FAM221A: variants seen among roughly 807,000 people sequenced by gnomAD.
The protein encoded by FAM221A is protein FAM221A.
In FAM221A, 43 loss-of-function variants were observed where a neutral mutation model predicts 37.6. The observed-to-expected ratio is 1.15, with a 90% CI of 0.90 to 1.48. The LOEUF is 1.48. Among genes scored for constraint, FAM221A ranks in the 40% most tolerant of loss-of-function variants. The probability of loss-of-function intolerance (pLI) is 0.00; values close to 1 mark genes in which losing one functional copy is unlikely to be tolerated. For missense variants in FAM221A, 361 were observed against 361.5 expected, an observed-to-expected ratio of 1.00 and a Z score of 0.01; for synonymous variants, 135 against 132.9, an observed-to-expected ratio of 1.02 and a Z score of -0.11.
rs144679462 is a variant in FAM221A at position 23,689,333 on chromosome 7, C to G, written c.304C>G (p.Gln102Glu). 1,567 of 1,601,916 alleles carry G rather than the reference C, an allele frequency of 9.8e-4. 18 individuals are homozygous for G. The African/African-American group carries it at 0.018, about 18-fold the overall frequency. Reference sequence around the variant, plus strand: ...GCAGTGCCCCATTGATCTGCCCTGCCAAGTGACTGGCTGCCAGTGCAGGGC... The same window carrying G: ...GCAGTGCCCCATTGATCTGCCCTGCGAAGTGACTGGCTGCCAGTGCAGGGC... The part of the protein sequence containing the change: ...PQQCPIDLPC[Q>E]VTGCQCRAYL... The change falls in exon 3 of 7, where the codon CAA becomes GAA. Residue 102 changes from glutamine (Q) to glutamate (E), a missense_variant. Physicochemically the swap from Gln to Glu is conservative, Grantham distance 29. Coordinates refer to ENST00000344962, the MANE Select transcript of FAM221A (RefSeq NM_199136.5).
At chr7:23,681,617 A>G (rs978652487) in intron 1 of FAM221A, among the ~76,000 whole-genome samples, 3 of 152,166 alleles carry the variant, frequency 2.0e-5, no homozygotes, top group Non-Finnish European at 4.4e-5. Flanking sequence ...CACGTTGCCC[A>G]GGCTGGTCTT....
At chr7:23,686,399 G>GACCACAGGCGTCTGCC (rs757675371) in intron 2 of FAM221A, 81 of 311,772 alleles carry the variant, frequency 2.6e-4, no homozygotes, top group Middle Eastern at 2.4e-3. Context: ...AAGTAGCTGG[G>GACCACAGGCGTCTGCC]ACCACAGGCG....
chr7:23,700,850 A>G lies in FAM221A; in HGVS notation c.810A>G (p.Glu270=), dbSNP rs146025349. Reference sequence around the variant, plus strand: ...AAGAGGATGATATGGCTTTCTTTGAAAGACGATACCAGGAAAGGGTAGGTT... The same window carrying G: ...AAGAGGATGATATGGCTTTCTTTGAGAGACGATACCAGGAAAGGGTAGGTT... ...RPEEDDMAFF[E]RRYQERMKME... The change falls in exon 6 of 7, where the codon GAA becomes GAG. Residue 270 remains glutamate (E), a synonymous_variant. Coordinates refer to ENST00000344962, the MANE Select transcript of FAM221A (RefSeq NM_199136.5). The G allele has an allele frequency of 4.2e-4, 669 of 1,609,274 alleles. 2 individuals are homozygous for G. Among genetic ancestry groups the G allele is most frequent in the Non-Finnish European group, 3.4e-4 (402 of 1,178,360 alleles).
Position 23,689,257 on chromosome 7 carries a change from C to T in FAM221A, c.240-12C>T, listed in dbSNP as rs781437996. ...ATTGTGTTTATATTTCTCTCTCTTT[C>T]TCCTTTTTTAGGTATAAACAACATA... On this transcript the variant is annotated splice_polypyrimidine_tract_variant and intron_variant, in intron 2 of 6. Transcript: ENST00000344962. 6.7e-7 allele frequency: 1 copy of T among 1,497,686 alleles called. No individual in the cohort carries two copies. The highest frequency in any genetic ancestry group is 1.3e-5 in the South Asian group (1 of 74,722). The allele number at this position is 1,497,686 out of a possible 1,614,324, so 92.8% of individuals were successfully genotyped here.
Position 23,684,500 on chromosome 7 carries a change from ATTG to A in FAM221A, c.71_73del (p.Val24del), listed in dbSNP as rs1363602121. On this transcript the variant is annotated inframe_deletion and splice_region_variant, in exon 2 of 7. Transcript: ENST00000344962. ...GAGAAATATATATTTTTGTTGTAGA[ATTG>A]TTGGTGAGGATGATGGAGGGAAACT... 1.3e-6 allele frequency: 2 copies of A among 1,582,532 alleles called. No homozygotes were observed. Among genetic ancestry groups the A allele is most frequent in the Admixed American group, 3.5e-5 (2 of 56,418 alleles).
chr7:23,696,560 C>A (rs1785072848), intron 4 of FAM221A, among the ~76,000 whole-genome samples: 1 of 152,068 alleles, frequency 6.6e-6, no homozygotes, highest in Non-Finnish European at 1.5e-5. Context: ...TAACACCCTG[C>A]CTCAAAGTAA....
intron 1 of FAM221A, among the ~76,000 whole-genome samples, chr7:23,683,929 G>A (rs1414641411): frequency 1.3e-5 from 2 of 152,202 alleles, no homozygotes; most frequent in Non-Finnish European, 2.9e-5. Flanking sequence ...TTATGTGTAA[G>A]TGTGCATTTA....
rs540797833 is a variant in FAM221A at position 23,684,547 on chromosome 7, T to A, written c.114T>A (p.Tyr38Ter). 13 of 1,613,428 alleles carry A rather than the reference T, an allele frequency of 8.1e-6. No individual in the cohort carries two copies. The South Asian group carries it at 9.9e-5, about 12-fold the overall frequency. Reference sequence around the variant, plus strand: ...GGAAACTTTTTACTCCTGAAGAATATGAAGAATACAAAAGAAAAGTTTTAC... The same window carrying A: ...GGAAACTTTTTACTCCTGAAGAATAAGAAGAATACAAAAGAAAAGTTTTAC... Reference protein sequence around the residue: ...DGGKLFTPEEYEEYKRKVLPL... With the variant: ...DGGKLFTPEE The change falls in exon 2 of 7, where the codon TAT becomes TAA. Residue 38 changes from tyrosine to a stop codon, truncating the protein, a stop_gained. Transcript: ENST00000344962. LOFTEE classifies it high-confidence loss of function.
intron 2 of FAM221A, chr7:23,686,513 C>T (rs1784380433): frequency 7.1e-6 from 2 of 281,272 alleles, no homozygotes; most frequent in South Asian, 6.1e-5. Context: ...TATCTGTCTA[C>T]CTCGGGCTTT....
intron 4 of FAM221A, 31 bp from the exon 5 acceptor site, chr7:23,698,161 A>G: frequency 8.9e-7 from 1 of 1,122,722 alleles, no homozygotes; most frequent in Non-Finnish European, 1.3e-6. Context: ...GTAAATATTT[A>G]ATTTTTATTC....
chr7:23,702,098 GA>G lies in FAM221A; in HGVS notation c.835del (p.Met279TrpfsTer27). On this transcript the variant is annotated frameshift_variant, in exon 7 of 7. Coordinates refer to ENST00000344962, the MANE Select transcript of FAM221A (RefSeq NM_199136.5). LOFTEE classifies it high-confidence loss of function. Reference protein sequence around the residue: ...FFERRYQERMKMEKAAKWKGK... With the variant: ...FFERRYQERMXMEKAAKWKGK... Reference sequence around the variant, plus strand: ...CAATAAATATGTTAAATTTACAGATGAAAATGGAAAAGGCTGCTAAGTGGAA... The same window carrying G: ...CAATAAATATGTTAAATTTACAGATGAAATGGAAAAGGCTGCTAAGTGGAA... The G allele has an allele frequency of 6.3e-7, 1 of 1,590,062 alleles. No individual in the cohort carries two copies. The highest frequency in any genetic ancestry group is 8.6e-7 in the Non-Finnish European group (1 of 1,167,808).
chr7:23,689,163 A>C (rs1784554741), intron 2 of FAM221A, 106 bp from the exon 3 acceptor site: 2 of 687,346 alleles, frequency 2.9e-6, no homozygotes, highest in East Asian at 5.5e-5. Flanking sequence ...AGAATAATAA[A>C]GCAATAATAA....
At chr7:23,691,258 G>A in intron 3 of FAM221A, 132 bp from the exon 4 acceptor site, 2 of 722,432 alleles carry the variant, frequency 2.8e-6, no homozygotes, top group Non-Finnish European at 4.7e-6. Flanking sequence ...CTAGGAAGGA[G>A]TTCGGTGGCT....
intron 1 of FAM221A, among the ~76,000 whole-genome samples, chr7:23,682,596 T>C (rs577075616): frequency 2.6e-5 from 4 of 151,858 alleles, no homozygotes; most frequent in African/African-American, 7.3e-5. Context: ...TACTAATTTT[T>C]GTATTATTGG....
intron 2 of FAM221A, among the ~76,000 whole-genome samples, chr7:23,685,726 A>T (rs774525378): frequency 3.3e-5 from 5 of 152,228 alleles, no homozygotes; most frequent in Non-Finnish European, 7.3e-5. Flanking sequence ...GCCTAAAGGA[A>T]AGGAAATAAG....
chr7:23,684,486 AT>A lies in FAM221A; in HGVS notation c.66-8del, dbSNP rs1784249710. ...TACTCAAAGCTTAAGAGAAATATATATTTTTGTTGTAGAATTGTTGGTGAGG... is the reference window on the plus strand; with the variant it reads ...TACTCAAAGCTTAAGAGAAATATATATTTTGTTGTAGAATTGTTGGTGAGG... On this transcript the variant is annotated splice_polypyrimidine_tract_variant and intron_variant, in intron 1 of 6. Coordinates refer to ENST00000344962, the MANE Select transcript of FAM221A (RefSeq NM_199136.5). 1.9e-5 allele frequency: 29 copies of A among 1,561,074 alleles called. No individual in the cohort carries two copies. Among genetic ancestry groups the A allele is most frequent in the Non-Finnish European group, 2.4e-5 (28 of 1,148,646 alleles).
intron 3 of FAM221A, among the ~76,000 whole-genome samples, chr7:23,690,204 T>A (rs1405146182): frequency 1.3e-3 from 184 of 137,984 alleles, no homozygotes; most frequent in African/African-American, 4.1e-3. Context: ...TATATATTTT[T>A]TTTTTTTTTA....
intron 1 of FAM221A, among the ~76,000 whole-genome samples, chr7:23,682,561 T>C (rs1294759642): frequency 6.6e-6 from 1 of 151,592 alleles, no homozygotes; most frequent in Non-Finnish European, 1.5e-5. Context: ...TCCAGAGTAG[T>C]TGGGATTATA....
intron 1 of FAM221A, among the ~76,000 whole-genome samples, chr7:23,682,678 G>A (rs1261601427): frequency 6.6e-6 from 1 of 151,842 alleles, no homozygotes; most frequent in Non-Finnish European, 1.5e-5. Flanking sequence ...TCCTGCTTCC[G>A]CCTCCCAAAG....
Sources: allele counts gnomAD v4.1 joint callset (sites outside exome capture counted in the v4.1 genomes callset), GRCh38; gene constraint gnomAD v4.1.1; transcripts MANE v1.5; gene names NCBI Gene and HGNC (gene_info 2026-07-23, HGNC 2026-07-21).